The following UBAC2 variants were observed in gnomAD, a reference collection of about 807,000 sequenced individuals.
UBAC2 encodes the protein ubiquitin-associated domain-containing protein 2.
In UBAC2, 26 loss-of-function variants were observed where a neutral mutation model predicts 44.0. The ratio of observed to expected loss-of-function variants is 0.59; its 90% CI spans 0.43 to 0.82. The LOEUF (loss-of-function observed/expected upper bound fraction) is 0.82. Among genes scored for constraint, UBAC2 ranks in the 40% least tolerant of loss-of-function variants. The pLI, the probability that UBAC2 is intolerant of heterozygous loss-of-function variation, is 0.00. For missense variants in UBAC2, 329 were observed against 419.4 expected (o/e 0.78, Z 1.88); for synonymous variants, 155 against 154.3 (o/e 1.00, Z -0.04).
chr13:99,295,079 T>A lies in UBAC2; in HGVS notation c.390-19018T>A. ...TCCATTTCACTTTCCATTTGAAGAC[T>A]TGGAATGTATCATCATCTGCGTTTC... On this transcript the variant is annotated intron_variant, in intron 4 of 8. Transcript: ENST00000403766. This position sits in a 1 kb window ranked among gnomAD's most constrained non-coding sequence, Gnocchi z 4.1. 6.2e-7 allele frequency: 1 copy of A among 1,613,848 alleles called. No homozygotes were observed. The highest frequency in any genetic ancestry group is 8.5e-7 in the Non-Finnish European group (1 of 1,179,868).
intron 8 of UBAC2, among the ~76,000 whole-genome samples, chr13:99,379,941 C>G (rs537954492): frequency 6.6e-6 from 1 of 152,206 alleles, no homozygotes; most frequent in South Asian, 2.1e-4. Context: ...GAGTGACGCA[C>G]GTGGGTTTTG....
chr13:99,314,311 C>T, intron 5 of UBAC2, 91 bp downstream of exon 5: 1 of 1,372,760 alleles, frequency 7.3e-7, no homozygotes, highest in Non-Finnish European at 9.5e-7. Context: ...TCCTTGAAAA[C>T]AATGGTTTTT....
chr13:99,290,341 T>C (rs1415997791), intron 4 of UBAC2, among the ~76,000 whole-genome samples: 1 of 152,194 alleles, frequency 6.6e-6, no homozygotes, highest in African/African-American at 2.4e-5. Context: ...AGGCTAAAGT[T>C]TCTGACTCTC....
chr13:99,287,643 C>CTTTTTTTTTTTTTTTTTTTTTT (rs11304203), intron 4 of UBAC2, among the ~76,000 whole-genome samples: 22 of 95,152 alleles, frequency 2.3e-4, no homozygotes, highest in African/African-American at 4.1e-4. Flanking sequence ...TTTTTTCTTT[C>CTTTTTTTTTTTTTTTTTTTTTT]TTTTTTTTTT....
At chr13:99,310,190 G>T (rs1362198378) in intron 4 of UBAC2, among the ~76,000 whole-genome samples, 2 of 152,286 alleles carry the variant, frequency 1.3e-5, no homozygotes, top group East Asian at 3.9e-4. Context: ...AGCCAGGTGT[G>T]GTGGCACACA....
intron 4 of UBAC2, among the ~76,000 whole-genome samples, chr13:99,263,737 G>T (rs138016388): frequency 7.2e-4 from 110 of 152,272 alleles, no homozygotes; most frequent in African/African-American, 2.6e-3. Context: ...GGAACAACCT[G>T]AATGTTCAAC....
intron 1 of UBAC2, among the ~76,000 whole-genome samples, chr13:99,226,697 T>G (rs2043113944): frequency 6.6e-6 from 1 of 152,250 alleles, no homozygotes; most frequent in South Asian, 2.1e-4. Flanking sequence ...GCTCCCTCCC[T>G]GTCTGCCTTG....
chr13:99,384,821 G>A (rs563888803), intron 8 of UBAC2, among the ~76,000 whole-genome samples: 6 of 151,922 alleles, frequency 3.9e-5, no homozygotes, highest in African/African-American at 7.3e-5. Context: ...AGGGCCGAGC[G>A]TGGCAGTGAT....
chr13:99,373,067 G>C (rs902817921), intron 8 of UBAC2, among the ~76,000 whole-genome samples: 10 of 152,102 alleles, frequency 6.6e-5, no homozygotes, highest in African/African-American at 2.4e-4. Flanking sequence ...CTTGCAGTGA[G>C]CTGAGATCAC....
intron 4 of UBAC2, among the ~76,000 whole-genome samples, chr13:99,289,806 C>G (rs916523141): frequency 3.3e-5 from 5 of 152,130 alleles, no homozygotes; most frequent in African/African-American, 1.2e-4. Context: ...GGGACCCAGG[C>G]TGACAAAGGT....
intron 1 of UBAC2, among the ~76,000 whole-genome samples, chr13:99,210,097 C>G (rs954806575): frequency 2.6e-5 from 4 of 152,310 alleles, no homozygotes; most frequent in African/African-American, 9.6e-5. Context: ...GTTAACCACA[C>G]TATAGGAAGT....
At chr13:99,338,713 C>T (rs1395250583) in intron 6 of UBAC2, among the ~76,000 whole-genome samples, 1 of 152,200 alleles carries the variant, frequency 6.6e-6, no homozygotes, top group Non-Finnish European at 1.5e-5. Context: ...CTTCAGCCTA[C>T]TACAGTCTGT....
At chr13:99,246,553 G>A (rs1183930321) in intron 4 of UBAC2, among the ~76,000 whole-genome samples, 4 of 152,170 alleles carry the variant, frequency 2.6e-5, no homozygotes, top group African/African-American at 4.8e-5. Flanking sequence ...TAGTAACTTA[G>A]CATTATTCTT....
chr13:99,232,405 G>T (rs9513586), intron 1 of UBAC2, among the ~76,000 whole-genome samples: 56,334 of 111,114 alleles, frequency 0.51, 16,945 homozygotes, highest in Non-Finnish European at 0.67. Flanking sequence ...GAGAGATATA[G>T]ATATATATAT....
intron 4 of UBAC2, among the ~76,000 whole-genome samples, chr13:99,311,854 GA>G (rs2044415052): frequency 6.6e-6 from 1 of 152,244 alleles, no homozygotes. Context: ...AGCCTGGGAA[GA>G]AGGACTGATA....
chr13:99,346,755 T>A (rs1466675883), intron 7 of UBAC2, among the ~76,000 whole-genome samples: 2 of 152,200 alleles, frequency 1.3e-5, no homozygotes, highest in African/African-American at 4.8e-5. Flanking sequence ...CTGTAGACAC[T>A]GCCTGTCTCT....
At chr13:99,236,985 A>T (rs1210324146) in intron 1 of UBAC2, among the ~76,000 whole-genome samples, 5 of 152,150 alleles carry the variant, frequency 3.3e-5, no homozygotes, top group Non-Finnish European at 5.9e-5. Flanking sequence ...TAAAAAAAAA[A>T]AATAAAACTA....
intron 1 of UBAC2, among the ~76,000 whole-genome samples, chr13:99,204,853 T>G (rs183049218): frequency 6.8e-6 from 1 of 147,084 alleles, no homozygotes; most frequent in African/African-American, 2.5e-5. Context: ...ATCAAGAGAG[T>G]GAGTTGTGGT....
chr13:99,295,531 A>G lies in UBAC2; in HGVS notation c.390-18566A>G, dbSNP rs146709613. The G allele has an allele frequency of 1.7e-5, 28 of 1,613,986 alleles. No individual in the cohort carries two copies. In the African/African-American group the frequency reaches 3.6e-4, roughly 21 times the overall value. ...TGAGAATGATTATAAGTGGAAGTACATATCCTATGAAACATGCCCCAAGCA... is the reference window on the plus strand; with the variant it reads ...TGAGAATGATTATAAGTGGAAGTACGTATCCTATGAAACATGCCCCAAGCA... On this transcript the variant is annotated intron_variant, in intron 4 of 8. Transcript: ENST00000403766. This position sits in a 1 kb window ranked among gnomAD's most constrained non-coding sequence, Gnocchi z 4.1.
Sources: allele counts gnomAD v4.1 joint callset (sites outside exome capture counted in the v4.1 genomes callset), GRCh38; gene constraint gnomAD v4.1.1; non-coding constraint Gnocchi (gnomAD v3.1); transcripts MANE v1.5; gene names NCBI Gene and HGNC (gene_info 2026-07-23, HGNC 2026-07-21).